The following GTF2A1L variants were observed in gnomAD, a reference collection of about 807,000 sequenced individuals.
GTF2A1L encodes general transcription factor IIA subunit 1 like.
GTF2A1L carries 48 observed loss-of-function variants against 49.7 expected under a neutral mutation model. The ratio of observed to expected loss-of-function variants is 0.97; its 90% confidence interval spans 0.77 to 1.23. GTF2A1L has a LOEUF of 1.23. Ranked by LOEUF, GTF2A1L falls within the 50% of genes most tolerant of loss-of-function variation. GTF2A1L has a pLI of 0.00. For missense variants in GTF2A1L, 736 were observed against 564.8 expected, an observed-to-expected ratio of 1.30 and a Z score of -3.07; for synonymous variants, 246 against 193.5, an observed-to-expected ratio of 1.27 and a Z score of -2.25.
At chr2:48,647,757 A>G (rs1677607214) in intron 6 of GTF2A1L, among the ~76,000 whole-genome samples, 2 of 152,114 alleles carry the variant, frequency 1.3e-5, no homozygotes, top group South Asian at 4.1e-4. Context: ...TTAACTTTTG[A>G]TATTGAAAAT....
chr2:48,626,735 G>C (rs905372166), intron 3 of GTF2A1L, among the ~76,000 whole-genome samples: 3 of 143,632 alleles, frequency 2.1e-5, no homozygotes, highest in African/African-American at 7.4e-5. Context: ...CACAACATCT[G>C]ACTAATTTTT....
intron 6 of GTF2A1L, among the ~76,000 whole-genome samples, chr2:48,662,175 C>G (rs895379471): frequency 7.2e-5 from 11 of 152,166 alleles, no homozygotes; most frequent in Non-Finnish European, 1.2e-4. Context: ...ACTTTGCCCT[C>G]CCCTACTTTG....
At chr2:48,627,460 A>T (rs1676350615) in intron 3 of GTF2A1L, among the ~76,000 whole-genome samples, 1 of 144,296 alleles carries the variant, frequency 6.9e-6, no homozygotes, top group Admixed American at 7.0e-5. Flanking sequence ...ATACAAGTTT[A>T]AAAAAATCAT....
rs144744325 is a variant in GTF2A1L at position 48,630,581 on chromosome 2, G to C, written c.247+9291G>C. Among the ~76,000 whole-genome samples, 1,188 of 143,590 alleles carry C rather than the reference G, an allele frequency of 8.3e-3. 86 individuals carry two copies. Among genetic ancestry groups the C allele is most frequent in the African/African-American group, 0.028 (1,130 of 40,520 alleles). 94.2% of individuals were successfully genotyped at this position (143,590 alleles called of 152,430 possible). A position where few individuals can be genotyped will look rare whatever the true frequency, so the allele number is the denominator to read the frequency against. Reference sequence around the variant, plus strand: ...TCAGTGAAGAGAGATAGTTTGACTTGTTTTCCTGTTTGGATGCCTTTTACT... The same window carrying C: ...TCAGTGAAGAGAGATAGTTTGACTTCTTTTCCTGTTTGGATGCCTTTTACT... On this transcript the variant is annotated intron_variant, in intron 3 of 8. Transcript: ENST00000403751.
intron 3 of GTF2A1L, among the ~76,000 whole-genome samples, chr2:48,628,551 T>C (rs1225787330): frequency 1.4e-5 from 2 of 144,192 alleles, no homozygotes; most frequent in African/African-American, 4.9e-5. Context: ...TTTTGCCCAC[T>C]TTTTAATGGG....
intron 6 of GTF2A1L, among the ~76,000 whole-genome samples, chr2:48,662,046 T>C (rs572336249): frequency 2.6e-5 from 4 of 152,312 alleles, no homozygotes; most frequent in Admixed American, 1.3e-4. Context: ...GTACATTCTA[T>C]AGATATTTTC....
At position 48,633,216 on chromosome 2, in the gene GTF2A1L, A is replaced by G. The variant is rs537651102; in HGVS notation, c.248-9186A>G. On this transcript the variant is annotated intron_variant, in intron 3 of 8. Transcript: ENST00000403751. ...GCCTTCTGCGGAGGCATTTCTGTCAATGTTACCCTCTGTCCTACTGACTAT... is the reference window on the plus strand; with the variant it reads ...GCCTTCTGCGGAGGCATTTCTGTCAGTGTTACCCTCTGTCCTACTGACTAT... The G allele has an allele frequency of 8.0e-4, 164 of 204,572 alleles. 1 individual carries two copies. Among genetic ancestry groups the G allele is most frequent in the African/African-American group, 3.6e-3 (154 of 42,870 alleles). 12.7% of individuals were successfully genotyped at this position (204,572 alleles called of 1,614,324 possible).
intron 3 of GTF2A1L, among the ~76,000 whole-genome samples, chr2:48,636,434 T>C (rs1224603566): frequency 6.6e-6 from 1 of 152,244 alleles, no homozygotes; most frequent in Non-Finnish European, 1.5e-5. Flanking sequence ...TTTTTGTCTG[T>C]TGTGTTTTTT....
intron 6 of GTF2A1L, among the ~76,000 whole-genome samples, chr2:48,660,990 A>C (rs1317696513): frequency 6.6e-6 from 1 of 152,090 alleles, no homozygotes; most frequent in African/African-American, 2.4e-5. Flanking sequence ...CAGTCTAGTT[A>C]TAAAGGTTTA....
intron 3 of GTF2A1L, among the ~76,000 whole-genome samples, chr2:48,641,757 AGCATAGAAAACTG>A (rs1677208986): frequency 6.6e-6 from 1 of 152,190 alleles, no homozygotes; most frequent in African/African-American, 2.4e-5. Context: ...AAGGCTGGTT[AGCATAGAAAACTG>A]GTAGATAATA....
At chr2:48,620,347 G>A (rs1322991535) in intron 1 of GTF2A1L, among the ~76,000 whole-genome samples, 1 of 152,214 alleles carries the variant, frequency 6.6e-6, no homozygotes, top group Non-Finnish European at 1.5e-5. Context: ...TGGGTCTGAA[G>A]CTAACACAGT....
chr2:48,644,942 A>G, intron 4 of GTF2A1L, 91 bp from the exon 5 acceptor site: 3 of 1,124,484 alleles, frequency 2.7e-6, no homozygotes, highest in African/African-American at 1.6e-5. Context: ...ATTGTCCAGA[A>G]TCAGATTTTT....
intron 3 of GTF2A1L, among the ~76,000 whole-genome samples, chr2:48,631,338 C>A (rs1676558960): frequency 6.6e-6 from 1 of 151,988 alleles, no homozygotes; most frequent in African/African-American, 2.4e-5. Flanking sequence ...TAATTTCTTC[C>A]TGATTCAATC....
At chr2:48,650,336 G>C (rs1257919432) in intron 6 of GTF2A1L, among the ~76,000 whole-genome samples, 1 of 152,056 alleles carries the variant, frequency 6.6e-6, no homozygotes, top group African/African-American at 2.4e-5. Flanking sequence ...TACCCTAAGA[G>C]ATTAAATCTA....
At chr2:48,676,935 T>C (rs1679500053) in intron 8 of GTF2A1L, among the ~76,000 whole-genome samples, 1 of 151,658 alleles carries the variant, frequency 6.6e-6, no homozygotes, top group African/African-American at 2.4e-5. Context: ...ATTTTTTTTT[T>C]TCCAGGTGGC....
In GTF2A1L at chr2:48,621,124, G is replaced by A. The variant is rs745636240; in HGVS notation, c.124-43G>A. On this transcript the variant is annotated intron_variant, in intron 2 of 8. Transcript: ENST00000403751. Reference sequence around the variant, plus strand: ...AAAAAAGAGAAGTATCATTATATGTGTATATATTTTTTTAAAGTAAACTTT... The same window carrying A: ...AAAAAAGAGAAGTATCATTATATGTATATATATTTTTTTAAAGTAAACTTT... 3.8e-6 allele frequency: 6 copies of A among 1,581,834 alleles called. No individual in the cohort carries two copies. In the East Asian group the frequency reaches 1.4e-4, roughly 36 times the overall value.
chr2:48,621,393 G>T, intron 3 of GTF2A1L, 103 bp downstream of exon 3: 9 of 1,485,500 alleles, frequency 6.1e-6, no homozygotes, highest in Non-Finnish European at 8.2e-6. Context: ...GGGTGAGAAG[G>T]CTTGGACACC....
intron 3 of GTF2A1L, among the ~76,000 whole-genome samples, chr2:48,639,137 A>G (rs1307608031): frequency 6.6e-6 from 1 of 152,232 alleles, no homozygotes; most frequent in African/African-American, 2.4e-5. Flanking sequence ...AAAGCAATGT[A>G]CAGATGCAAT....
chr2:48,622,704 C>G (rs1321106532), intron 3 of GTF2A1L, among the ~76,000 whole-genome samples: 1 of 151,972 alleles, frequency 6.6e-6, no homozygotes, highest in African/African-American at 2.4e-5. Context: ...CGTGGTGGCT[C>G]ATGCCTGTAA....
Sources: gnomAD v4.1 joint callset for allele counts (sites outside exome capture counted in the v4.1 genomes callset) on GRCh38, gnomAD v4.1.1 for gene constraint, MANE v1.5 for transcripts, NCBI Gene and HGNC (gene_info 2026-07-23, HGNC 2026-07-21) for gene names.